Variants in NAV3 observed in about 807,000 individuals in gnomAD.
NAV3 encodes neuron navigator 3, also known as pore membrane and/or filament interacting like protein 1.
Under a neutral mutation model 244.7 loss-of-function variants are expected in NAV3, and 87 were observed. The observed-to-expected ratio is 0.36, with a 90% CI of 0.30 to 0.42. The LOEUF (loss-of-function observed/expected upper bound fraction) is 0.42, where lower values mean the gene tolerates loss of function less well. Among genes scored for constraint, NAV3 ranks in the 20% least tolerant of loss-of-function variants. The pLI, the probability that NAV3 is intolerant of heterozygous loss-of-function variation, is 1.00. For synonymous variants in NAV3, 1,126 were observed against 1,042.2 expected, an observed-to-expected ratio of 1.08 and a Z score of -1.55; for missense variants, 2,663 against 2,893.3, an observed-to-expected ratio of 0.92 and a Z score of 1.83.
At chr12:77,794,747 T>A (rs1332918316) in intron 2 of NAV3, among the ~76,000 whole-genome samples, 2 of 152,258 alleles carry the variant, frequency 1.3e-5, no homozygotes, top group East Asian at 1.9e-4. Flanking sequence ...TCCAATTTTT[T>A]AATTATTATT....
intron 1 of NAV3, among the ~76,000 whole-genome samples, chr12:77,901,251 G>A (rs1031703999): frequency 6.6e-6 from 1 of 152,062 alleles, no homozygotes; most frequent in Non-Finnish European, 1.5e-5. Context: ...GTCAATTTTT[G>A]TTTTTGTTGC....
At chr12:77,719,871 A>G (rs940348936) in intron 2 of NAV3, among the ~76,000 whole-genome samples, 1 of 152,062 alleles carries the variant, frequency 6.6e-6, no homozygotes, top group Non-Finnish European at 1.5e-5. Flanking sequence ...AAGAATTTTC[A>G]TTTTATTTAA....
At chr12:77,814,409 A>T (rs528328671) in intron 2 of NAV3, among the ~76,000 whole-genome samples, 7 of 152,322 alleles carry the variant, frequency 4.6e-5, no homozygotes, top group African/African-American at 1.7e-4. Flanking sequence ...ACCAAACTCT[A>T]TACCATGCAA....
At chr12:77,813,463 C>G (rs1374110378) in intron 2 of NAV3, among the ~76,000 whole-genome samples, 1 of 152,098 alleles carries the variant, frequency 6.6e-6, no homozygotes, top group Non-Finnish European at 1.5e-5. Flanking sequence ...TTAGAAGACC[C>G]TGAAGAAATT....
In NAV3 at chr12:77,720,937, T is replaced by C. The variant is rs543855902; in HGVS notation, c.72+148671T>C. On this transcript the variant is annotated intron_variant, in intron 2 of 8. Coordinates refer to the NAV3 transcript ENST00000550042. Reference sequence around the variant, plus strand: ...AAAATGTTAATTAACAGAGATATTCTGCACATCAGTTTTTATTCTTCAGGG... The same window carrying C: ...AAAATGTTAATTAACAGAGATATTCCGCACATCAGTTTTTATTCTTCAGGG... Among the ~76,000 whole-genome samples the C allele has an allele frequency of 4.6e-5, 7 of 152,306 alleles. No individual in the cohort carries two copies. In the South Asian group the frequency reaches 1.4e-3, roughly 32 times the overall value.
chr12:77,998,856 G>GT (rs1286497196), intron 7 of NAV3, among the ~76,000 whole-genome samples: 1 of 152,100 alleles, frequency 6.6e-6, no homozygotes, highest in Non-Finnish European at 1.5e-5. Flanking sequence ...AGCCATAAGT[G>GT]TTTTTGACAA....
chr12:77,648,291 T>A (rs191226017), intron 2 of NAV3, among the ~76,000 whole-genome samples: 1 of 152,206 alleles, frequency 6.6e-6, no homozygotes, highest in East Asian at 1.9e-4. Flanking sequence ...TATTATCTTT[T>A]CAGAAGCACA....
At chr12:77,930,719 C>A (rs919693490) in intron 1 of NAV3, among the ~76,000 whole-genome samples, 11 of 152,136 alleles carry the variant, frequency 7.2e-5, no homozygotes, top group African/African-American at 2.4e-4. Flanking sequence ...TGATAGCCTC[C>A]TTACAAGGGA....
chr12:77,685,082 C>T (rs1470085185), intron 2 of NAV3, among the ~76,000 whole-genome samples: 1 of 152,062 alleles, frequency 6.6e-6, no homozygotes, highest in Non-Finnish European at 1.5e-5. Flanking sequence ...TAATTTCATT[C>T]TTCCTTTTTA....
At chr12:77,654,113 G>T (rs1419062523) in intron 2 of NAV3, among the ~76,000 whole-genome samples, 1 of 152,176 alleles carries the variant, frequency 6.6e-6, no homozygotes, top group Non-Finnish European at 1.5e-5. Flanking sequence ...GCAGGTCAGT[G>T]GGTGCACGCA....
intron 33 of NAV3, among the ~76,000 whole-genome samples, chr12:78,189,561 C>CATATATAT (rs34797197): frequency 3.4e-5 from 5 of 148,460 alleles, no homozygotes; most frequent in South Asian, 2.1e-4. Flanking sequence ...CACACACACC[C>CATATATAT]ATATATATAT....
chr12:77,735,672 CAT>C (rs1223011409), intron 2 of NAV3, among the ~76,000 whole-genome samples: 3 of 152,018 alleles, frequency 2.0e-5, no homozygotes, highest in African/African-American at 7.2e-5. Flanking sequence ...TTTGGAAAGA[CAT>C]ATTGTAAAAA....
At chr12:77,938,308 A>G (rs1889522588) in intron 1 of NAV3, among the ~76,000 whole-genome samples, 1 of 152,206 alleles carries the variant, frequency 6.6e-6, no homozygotes, top group African/African-American at 2.4e-5. Flanking sequence ...TAACTGAGAA[A>G]AATTATTACC....
intron 2 of NAV3, among the ~76,000 whole-genome samples, chr12:77,658,036 G>A (rs1265761072): frequency 6.6e-6 from 1 of 151,346 alleles, no homozygotes; most frequent in East Asian, 1.9e-4. Flanking sequence ...CATTCCCTTT[G>A]AAAACTGGCA....
chr12:77,750,101 C>A (rs950967256), intron 2 of NAV3, among the ~76,000 whole-genome samples: 2 of 152,128 alleles, frequency 1.3e-5, no homozygotes, highest in African/African-American at 2.4e-5. Context: ...CGCCTGTAAT[C>A]CCAGCACTTT....
At chr12:77,972,582 T>C (rs925804174) in intron 5 of NAV3, among the ~76,000 whole-genome samples, 2 of 152,106 alleles carry the variant, frequency 1.3e-5, no homozygotes, top group African/African-American at 4.8e-5. Flanking sequence ...TAATTTTCTT[T>C]TTATTTTGAA....
intron 2 of NAV3, among the ~76,000 whole-genome samples, chr12:77,659,959 T>C (rs1340801766): frequency 3.3e-5 from 1 of 30,326 alleles, no homozygotes; most frequent in Non-Finnish European, 6.2e-5. Flanking sequence ...GGGACTGTTG[T>C]GGGGTAGGGG....
chr12:77,913,073 A>G (rs748924475), intron 1 of NAV3, among the ~76,000 whole-genome samples: 12 of 151,960 alleles, frequency 7.9e-5, no homozygotes, highest in Non-Finnish European at 1.3e-4. Context: ...TCAACTTGTG[A>G]CATGAAAAAA....
chr12:77,724,742 A>G (rs1876800119), intron 2 of NAV3, among the ~76,000 whole-genome samples: 2 of 152,022 alleles, frequency 1.3e-5, no homozygotes, highest in South Asian at 2.1e-4. Flanking sequence ...AAAGCAGGAA[A>G]TAGAGAAGTC....
Sources: allele counts gnomAD v4.1 joint callset (sites outside exome capture counted in the v4.1 genomes callset), GRCh38; gene constraint gnomAD v4.1.1; transcripts MANE v1.5; gene names NCBI Gene and HGNC (gene_info 2026-07-23, HGNC 2026-07-21).